The following ACOX2 variants were observed in gnomAD, a reference collection of about 807,000 sequenced individuals.
ACOX2 encodes acyl-CoA oxidase 2.
In ACOX2, 59 loss-of-function variants were observed where a neutral mutation model predicts 77.5. That is an observed-to-expected ratio of 0.76 (90% CI 0.62 to 0.95). ACOX2 has a LOEUF of 0.95. Ranked by LOEUF, ACOX2 falls within the 40% of genes least tolerant of loss-of-function variation. ACOX2 has a pLI of 0.00. For missense variants in ACOX2, 837 were observed against 880.4 expected, an observed-to-expected ratio of 0.95 and a Z score of 0.62; for synonymous variants, 317 against 340.1, an observed-to-expected ratio of 0.93 and a Z score of 0.75.
chr3:58,508,950 A>T lies in ACOX2; in HGVS notation c.1926T>A (p.Asp642Glu). ...GGAACAGGCGTTCGTAGACGTTTCC[A>T]TCATAACAGCCAAGTGCTGAATTTA... is the stretch of plus-strand genomic sequence containing the variant. ...QCLNSALGCY[D>E]GNVYERLFQW... The change falls in exon 14 of 15, where the codon GAT becomes GAA. Residue 642 changes from aspartate (D) to glutamate (E), a missense_variant. Physicochemically the swap from Asp to Glu is conservative, Grantham distance 45. Transcript: ENST00000302819. The T allele has an allele frequency of 6.2e-7, 1 of 1,614,224 alleles. No individual in the cohort carries two copies. Among genetic ancestry groups the T allele is most frequent in the Non-Finnish European group, 8.5e-7 (1 of 1,180,038 alleles).
At chr3:58,511,413 G>T in intron 13 of ACOX2, 1 of 272,950 alleles carries the variant, frequency 3.7e-6, no homozygotes. Context: ...TGGCACCTCA[G>T]TCCATTCTTA....
chr3:58,527,230 G>A (rs2063401909), intron 9 of ACOX2, among the ~76,000 whole-genome samples: 2 of 152,116 alleles, frequency 1.3e-5, no homozygotes, highest in Non-Finnish European at 2.9e-5. Context: ...AATGGGATCA[G>A]TGCCCTCATG....
rs955742819 is a variant in ACOX2 at position 58,535,877 on chromosome 3, C to T, written c.-91-680G>A. ...AGGCAACCATGAGGTGCAGTCCATC[C>T]TATTTCACAAGTCTCTTGAGTCCAT... On this transcript the variant is annotated intron_variant, in intron 1 of 14. Transcript: ENST00000302819. The surrounding 1 kb of genome is among the most constrained non-coding windows in gnomAD (Gnocchi z 4.8). 1.3e-5 allele frequency among the ~76,000 whole-genome samples: 2 copies of T among 152,176 alleles called. No individual in the cohort carries two copies. Among genetic ancestry groups the T allele is most frequent in the Non-Finnish European group, 2.9e-5 (2 of 68,024 alleles).
intron 1 of ACOX2, among the ~76,000 whole-genome samples, chr3:58,536,570 G>C (rs2063483051): frequency 1.3e-5 from 2 of 152,270 alleles, no homozygotes; most frequent in African/African-American, 4.8e-5. Context: ...TCCTGCAAGT[G>C]CCCCTAGTGC....
In ACOX2 at chr3:58,524,390, C is replaced by G. The variant is rs763384180; in HGVS notation, c.1526+36G>C. ...CCCTAGTGTGGCATGGAGCCTGTGC[C>G]CAGGTGGGATGGCTGATTTCTCAGC... is the stretch of plus-strand genomic sequence containing the variant. On this transcript the variant is annotated intron_variant, in intron 11 of 14. Coordinates refer to ENST00000302819, the MANE Select transcript of ACOX2 (RefSeq NM_003500.4). This position sits in a 1 kb window ranked among gnomAD's most constrained non-coding sequence, Gnocchi z 5.5. 7 of 1,598,780 alleles carry G rather than the reference C, an allele frequency of 4.4e-6. No individual in the cohort carries two copies. Among genetic ancestry groups the G allele is most frequent in the Non-Finnish European group, 6.0e-6 (7 of 1,168,562 alleles).
chr3:58,529,100 C>T, intron 8 of ACOX2, 144 bp from the exon 9 acceptor site: 1 of 761,726 alleles, frequency 1.3e-6, no homozygotes, highest in Non-Finnish European at 2.0e-6. Flanking sequence ...ATTGATAATC[C>T]TTTAAAAATC....
rs2063467632 is a variant in ACOX2 at position 58,534,626 on chromosome 3, CATT to C, written c.161-107_161-105del. ...TCATGGATCTGGAAAGGAAGTCAGA[CATT>C]ATTGTTATTTTACAGATGACAAAAC... is the stretch of plus-strand genomic sequence containing the variant. On this transcript the variant is annotated intron_variant, in intron 2 of 14. Transcript: ENST00000302819. The surrounding 1 kb of genome is among the most constrained non-coding windows in gnomAD (Gnocchi z 4.8). 1 of 1,592,308 alleles carries C rather than the reference CATT, an allele frequency of 6.3e-7. No homozygotes were observed. The highest frequency in any genetic ancestry group is 1.3e-5 in the African/African-American group (1 of 74,670).
chr3:58,518,764 T>C (rs2063339522), intron 12 of ACOX2, among the ~76,000 whole-genome samples: 2 of 151,822 alleles, frequency 1.3e-5, no homozygotes, highest in Non-Finnish European at 2.9e-5. Context: ...TCCTGAGTAG[T>C]TGGGACCACA....
rs142872624 is a variant in ACOX2 at position 58,531,742 on chromosome 3, G to A, written c.654C>T (p.His218=). ...GACTCCGGATTGGCACAATAAAAGCGTGCATGCCCCGCCTGGCTCCTGAGC... is the reference window on the plus strand; with the variant it reads ...GACTCCGGATTGGCACAATAAAAGCATGCATGCCCCGCCTGGCTCCTGAGC... The part of the protein sequence containing the change: ...LICSGARRGM[H]AFIVPIRSLQ... The change falls in exon 6 of 15, where the codon CAC becomes CAT. Residue 218 remains histidine, a synonymous_variant. Coordinates refer to ENST00000302819, the MANE Select transcript of ACOX2 (RefSeq NM_003500.4). The surrounding 1 kb of genome is among the most constrained non-coding windows in gnomAD (Gnocchi z 5.8). The A allele has an allele frequency of 2.7e-4, 431 of 1,614,086 alleles. No homozygotes were observed. Among genetic ancestry groups the A allele is most frequent in the Non-Finnish European group, 3.4e-4 (401 of 1,180,034 alleles).
At position 58,507,293 on chromosome 3, in the gene ACOX2, T is replaced by G. The variant is rs537517604; in HGVS notation, c.1983+1600A>C. 7.2e-5 allele frequency among the ~76,000 whole-genome samples: 11 copies of G among 152,322 alleles called. No homozygotes were observed. The South Asian group carries it at 2.3e-3, about 32-fold the overall frequency. ...GTTGGGAAGGTGAAGACTCCTTCGT[T>G]GTTCACAGTCAAGTGGAAGGAGATA... On this transcript the variant is annotated intron_variant, in intron 14 of 14. Transcript: ENST00000302819.
intron 13 of ACOX2, among the ~76,000 whole-genome samples, chr3:58,510,685 T>A (rs1249560871): frequency 2.0e-4 from 2 of 9,914 alleles, no homozygotes; most frequent in Non-Finnish European, 4.0e-4. Flanking sequence ...TATATATATA[T>A]ATATATATAT....
In ACOX2 at chr3:58,531,746, A is replaced by G. The variant is rs1560220514; in HGVS notation, c.650T>C (p.Met217Thr). 2.5e-6 allele frequency: 4 copies of G among 1,614,118 alleles called. No homozygotes were observed. The highest frequency in any genetic ancestry group is 3.4e-6 in the Non-Finnish European group (4 of 1,180,042). The change falls in exon 6 of 15, where the codon ATG (methionine) becomes ACG (threonine). Residue 217 changes from methionine to threonine, a missense_variant. Physicochemically the swap from Met to Thr is moderately conservative, Grantham distance 81. Transcript: ENST00000302819. This position sits in a 1 kb window ranked among gnomAD's most constrained non-coding sequence, Gnocchi z 5.8. The part of the protein sequence containing the change: ...QLICSGARRG[M>T]HAFIVPIRSL... ...CCGGATTGGCACAATAAAAGCGTGC[A>G]TGCCCCGCCTGGCTCCTGAGCAGAT... is the stretch of plus-strand genomic sequence containing the variant.
rs1352277452 is a variant in ACOX2, at chr3:58,515,901, C to G, written c.1850+1305G>C. ...CAATCAATCCTCCTACCTCAGCCTC[C>G]CGAGTAGCTGAGACTACAGGTGTGT... On this transcript the variant is annotated intron_variant, in intron 13 of 14. Coordinates refer to ENST00000302819, the MANE Select transcript of ACOX2 (RefSeq NM_003500.4). The surrounding 1 kb of genome is among the most constrained non-coding windows in gnomAD (Gnocchi z 4.0). 3.3e-5 allele frequency among the ~76,000 whole-genome samples: 5 copies of G among 151,944 alleles called. No individual in the cohort carries two copies. The highest frequency in any genetic ancestry group is 2.1e-4 in the South Asian group (1 of 4,816).
rs555164355 is a variant in ACOX2, at chr3:58,521,849, C to T, written c.1632+647G>A. On this transcript the variant is annotated intron_variant, in intron 12 of 14. Coordinates refer to ENST00000302819, the MANE Select transcript of ACOX2 (RefSeq NM_003500.4). The surrounding 1 kb of genome is among the most constrained non-coding windows in gnomAD (Gnocchi z 4.8). ...CCTTCTTGCTGCTTCCTTTTGCACG[C>T]GCAGCTCCCTTTGCCTGGAAACTTT... Among the ~76,000 whole-genome samples, 1 of 152,312 alleles carries T rather than the reference C, an allele frequency of 6.6e-6. No individual in the cohort carries two copies. The highest frequency in any genetic ancestry group is 2.1e-4 in the South Asian group (1 of 4,826).
chr3:58,531,821 A>T lies in ACOX2; in HGVS notation c.584-9T>A. ...GGTGGCTGACCGTCCCACTGAGGGC[A>T]GAGAGAGTAGCGGCCCGTCACAGGA... On this transcript the variant is annotated splice_polypyrimidine_tract_variant and intron_variant, in intron 5 of 14. Transcript: ENST00000302819. The surrounding 1 kb of genome is among the most constrained non-coding windows in gnomAD (Gnocchi z 5.8). The T allele has an allele frequency of 6.2e-7, 1 of 1,611,930 alleles. No individual in the cohort carries two copies. The highest frequency in any genetic ancestry group is 8.5e-7 in the Non-Finnish European group (1 of 1,179,190).
Position 58,526,414 on chromosome 3 carries a change from T to C in ACOX2, c.1346+52A>G. The C allele has an allele frequency of 6.5e-7, 1 of 1,538,444 alleles. No individual in the cohort carries two copies. The highest frequency in any genetic ancestry group is 8.8e-7 in the Non-Finnish European group (1 of 1,139,364). On this transcript the variant is annotated intron_variant, in intron 10 of 14. Coordinates refer to ENST00000302819, the MANE Select transcript of ACOX2 (RefSeq NM_003500.4). The surrounding 1 kb of genome is among the most constrained non-coding windows in gnomAD (Gnocchi z 4.3). ...ACGGAACCCTCCACCCAACAGAAGC[T>C]TGGTGGGTCCCCAAGGGCTTGGGCA...
At position 58,529,585 on chromosome 3, in the gene ACOX2, G is replaced by A. The variant is rs1224567700; in HGVS notation, c.993-629C>T. Among the ~76,000 whole-genome samples the A allele has an allele frequency of 2.0e-5, 3 of 152,160 alleles. No homozygotes were observed. The East Asian group carries it at 5.8e-4, about 29-fold the overall frequency. ...GCGCATCTTTCTTATAACCACCCTGGGGACACTTCTGCAGCCCAGATAAAT... is the reference window on the plus strand; with the variant it reads ...GCGCATCTTTCTTATAACCACCCTGAGGACACTTCTGCAGCCCAGATAAAT... On this transcript the variant is annotated intron_variant, in intron 8 of 14. Coordinates refer to ENST00000302819, the MANE Select transcript of ACOX2 (RefSeq NM_003500.4).
intron 12 of ACOX2, 35 bp from the exon 13 acceptor site, chr3:58,517,458 TG>T (rs918771347): frequency 5.0e-6 from 8 of 1,601,614 alleles, no homozygotes; most frequent in Non-Finnish European, 6.8e-6. Context: ...TCCTGATTTC[TG>T]GTTTTCTACT....
At position 58,533,539 on chromosome 3, in the gene ACOX2, C is replaced by T; in HGVS notation, c.489G>A (p.Gln163=). ...QTELGHGTYL[Q]GLETEATYDA... ...CATAGGTGGCTTCAGTCTCCAGGCC[C>T]TGAAGATATGTCCCTTAGGATCAAG... The change falls in exon 5 of 15, where the codon CAG becomes CAA. Residue 163 remains glutamine (Q), a synonymous_variant. Coordinates refer to ENST00000302819, the MANE Select transcript of ACOX2 (RefSeq NM_003500.4). The surrounding 1 kb of genome is among the most constrained non-coding windows in gnomAD (Gnocchi z 5.6). 6.2e-7 allele frequency: 1 copy of T among 1,614,014 alleles called. No individual in the cohort carries two copies. Among genetic ancestry groups the T allele is most frequent in the Non-Finnish European group, 8.5e-7 (1 of 1,179,980 alleles).
Sources: gnomAD v4.1 joint callset for allele counts (sites outside exome capture counted in the v4.1 genomes callset) on GRCh38, gnomAD v4.1.1 for gene constraint, Gnocchi (gnomAD v3.1) non-coding constraint, MANE v1.5 for transcripts, NCBI Gene and HGNC (gene_info 2026-07-23, HGNC 2026-07-21) for gene names.